The following ODF2L variants were observed in gnomAD, a reference collection of about 807,000 sequenced individuals.
The protein encoded by ODF2L is protein BCAP.
ODF2L carries 76 observed loss-of-function variants against 86.3 expected under a neutral mutation model. The ratio of observed to expected loss-of-function variants is 0.88; its 90% CI spans 0.73 to 1.07. The LOEUF (loss-of-function observed/expected upper bound fraction) is 1.07, where lower values mean the gene tolerates loss of function less well. Ranked by LOEUF, ODF2L falls within the 50% of genes least tolerant of loss-of-function variation. The pLI is 0.00. For synonymous variants in ODF2L, 241 were observed against 231.3 expected, an observed-to-expected ratio of 1.04 and a Z score of -0.38; for missense variants, 748 against 717.4, an observed-to-expected ratio of 1.04 and a Z score of -0.49.
chr1:86,382,404 C>T (rs1417036727), intron 6 of ODF2L, 46 bp from the exon 7 acceptor site: 1 of 1,601,806 alleles, frequency 6.2e-7, no homozygotes, highest in South Asian at 1.1e-5. Context: ...ATATTATTTG[C>T]TGTATCCCCA....
chr1:86,362,230 T>G (rs1659089289), intron 11 of ODF2L, among the ~76,000 whole-genome samples: 1 of 151,886 alleles, frequency 6.6e-6, no homozygotes, highest in Non-Finnish European at 1.5e-5. Context: ...CCAAGATATC[T>G]CTGGGGGGTT....
intron 11 of ODF2L, among the ~76,000 whole-genome samples, chr1:86,361,815 A>G (rs917680813): frequency 6.6e-6 from 1 of 152,224 alleles, no homozygotes; most frequent in African/African-American, 2.4e-5. Flanking sequence ...ACATGAGCCA[A>G]TATGTTCACT....
chr1:86,364,183 C>G (rs544729743), intron 11 of ODF2L, among the ~76,000 whole-genome samples: 1 of 152,242 alleles, frequency 6.6e-6, no homozygotes, highest in African/African-American at 2.4e-5. Context: ...CTAATCCTTT[C>G]TCTCTGAAGG....
intron 8 of ODF2L, 148 bp from the exon 9 acceptor site, chr1:86,372,688 TAGC>T: frequency 2.3e-6 from 1 of 440,860 alleles, no homozygotes; most frequent in South Asian, 6.5e-5. Flanking sequence ...TGCATGTTTA[TAGC>T]AGTGCAATTC....
intron 7 of ODF2L, among the ~76,000 whole-genome samples, chr1:86,380,970 C>A (rs79789154): frequency 0.02 from 2,967 of 150,330 alleles, 97 homozygotes; most frequent in African/African-American, 0.069. Context: ...AAAAACAACA[C>A]AAAAACGAAA....
At chr1:86,363,162 C>A (rs1183790548) in intron 11 of ODF2L, among the ~76,000 whole-genome samples, 2 of 151,980 alleles carry the variant, frequency 1.3e-5, no homozygotes, top group African/African-American at 2.4e-5. Flanking sequence ...CTGGAAGCAG[C>A]GTATGAGAGA....
intron 2 of ODF2L, 166 bp downstream of exon 2, chr1:86,386,749 G>A (rs1660981763): frequency 4.6e-6 from 2 of 431,392 alleles, no homozygotes; most frequent in African/African-American, 4.1e-5. Context: ...TCTGCTAGAT[G>A]AGTACACTTG....
chr1:86,391,752 G>A (rs2101573423), intron 1 of ODF2L, among the ~76,000 whole-genome samples: 1 of 152,214 alleles, frequency 6.6e-6, no homozygotes, highest in South Asian at 2.1e-4. Flanking sequence ...AATTCTGGAA[G>A]ATAACATCAG....
At position 86,374,611 on chromosome 1, in the gene ODF2L, C is replaced by T. The variant is rs925668401; in HGVS notation, c.810+1622G>A. ...CTAAAAGTCAGAATCAGTGGTCTCT[C>T]GTACTTTCCAAATCCCCATTTCTCC... On this transcript the variant is annotated intron_variant, in intron 8 of 17. Coordinates refer to ENST00000317336, the Ensembl canonical transcript of ODF2L. Among the ~76,000 whole-genome samples, 14 of 152,266 alleles carry T rather than the reference C, an allele frequency of 9.2e-5. No individual in the cohort carries two copies. The East Asian group carries it at 2.1e-3, about 23-fold the overall frequency.
At chr1:86,384,291 C>T (rs1487972181) in intron 4 of ODF2L, among the ~76,000 whole-genome samples, 1 of 151,550 alleles carries the variant, frequency 6.6e-6, no homozygotes, top group Non-Finnish European at 1.5e-5. Context: ...ACAATGAAAA[C>T]CACTGAATTT....
At chr1:86,356,001 C>A (rs1427808455) in intron 14 of ODF2L, 1 of 246,690 alleles carries the variant, frequency 4.1e-6, no homozygotes, top group East Asian at 1.4e-4. Context: ...TACACATGAT[C>A]CATATTCTGA....
Position 86,355,029 on chromosome 1 carries a change from A to C in ODF2L, c.1519-170T>G. On this transcript the variant is annotated intron_variant, in intron 14 of 17. Coordinates refer to ENST00000317336, the Ensembl canonical transcript of ODF2L. ...TTATATTGTTAAAATGGAAGTTTTA[A>C]ATTCCTGGTTAAATTTAAAGAAGTT... 5.5e-6 allele frequency: 3 copies of C among 548,224 alleles called. No individual in the cohort carries two copies. In the South Asian group the frequency reaches 8.6e-5, roughly 16 times the overall value. 34.0% of individuals were successfully genotyped at this position (548,224 alleles called of 1,614,324 possible). A position where few individuals can be genotyped will look rare whatever the true frequency, so the allele number is the denominator to read the frequency against.
downstream of ODF2L, chr1:86,349,181 G>T (rs1657964503): frequency 6.1e-6 from 1 of 164,462 alleles, no homozygotes; most frequent in African/African-American, 2.4e-5. Flanking sequence ...CATGTAACAT[G>T]ATATATTTTC....
At chr1:86,385,421 A>T in intron 3 of ODF2L, 37 bp downstream of exon 3, 1 of 1,317,842 alleles carries the variant, frequency 7.6e-7, no homozygotes, top group Non-Finnish European at 1.1e-6. Flanking sequence ...GTATTATACT[A>T]GCTTTTCATT....
At chr1:86,366,893 T>C (rs555416442) in intron 11 of ODF2L, among the ~76,000 whole-genome samples, 1 of 150,628 alleles carries the variant, frequency 6.6e-6, no homozygotes, top group Non-Finnish European at 1.5e-5. Flanking sequence ...CTGGAGAAAA[T>C]AGAAAGGGGC....
At chr1:86,368,714 G>T in exon 11 of ODF2L, 1 of 1,443,360 alleles carries the variant, frequency 6.9e-7, no homozygotes, top group Non-Finnish European at 9.2e-7. Context: ...TTCTACATGG[G>T]AATCTAAGCT....
intron 17 of ODF2L, chr1:86,352,352 C>G (rs1658196622): frequency 5.1e-6 from 5 of 974,232 alleles, no homozygotes; most frequent in Admixed American, 3.9e-5. Flanking sequence ...AAACAGAAGA[C>G]TAATTAAGCA....
At chr1:86,363,684 A>T (rs1280650253) in intron 11 of ODF2L, among the ~76,000 whole-genome samples, 1 of 151,952 alleles carries the variant, frequency 6.6e-6, no homozygotes, top group Non-Finnish European at 1.5e-5. Flanking sequence ...CATATAAAAT[A>T]AAAAATTATA....
At chr1:86,386,625 T>G (rs1660971385) in intron 2 of ODF2L, 2 of 297,742 alleles carry the variant, frequency 6.7e-6, no homozygotes, top group East Asian at 1.1e-4. Context: ...TGACCTCAAG[T>G]GATCCACCTG....
Sources: gnomAD v4.1 joint callset for allele counts (sites outside exome capture counted in the v4.1 genomes callset) on GRCh38, gnomAD v4.1.1 for gene constraint, MANE v1.5 for transcripts, NCBI Gene and HGNC (gene_info 2026-07-23, HGNC 2026-07-21) for gene names.